EXOC6B: variants seen among roughly 807,000 people sequenced by gnomAD.
EXOC6B encodes the protein exocyst complex component 6B.
Under a neutral mutation model 113.5 loss-of-function variants are expected in EXOC6B, and 54 were observed. That is an observed-to-expected ratio of 0.48 (90% confidence interval 0.38 to 0.60). The LOEUF (loss-of-function observed/expected upper bound fraction) is 0.60. Ranked by LOEUF, EXOC6B falls within the 20% of genes least tolerant of loss-of-function variation. EXOC6B has a pLI of 0.00. For missense variants in EXOC6B, 797 were observed against 977.5 expected (o/e 0.82, Z 2.46); for synonymous variants, 357 against 339.0 (o/e 1.05, Z -0.58).
chr2:72,312,302 C>CTT (rs34170912), intron 20 of EXOC6B, among the ~76,000 whole-genome samples: 4 of 143,494 alleles, frequency 2.8e-5, no homozygotes, highest in East Asian at 2.0e-4. Flanking sequence ...GTTGTCAATA[C>CTT]TTTTTTTTTT....
rs201743586 is a variant in EXOC6B at position 72,631,406 on chromosome 2, ATGTGTG to A, written c.670-55744_670-55739del. Among the ~76,000 whole-genome samples the A allele has an allele frequency of 5.9e-4, 60 of 102,296 alleles. 3 individuals carry two copies. Among genetic ancestry groups the A allele is most frequent in the Admixed American group, 5.3e-3 (48 of 9,014 alleles). 67.1% of individuals were successfully genotyped at this position (102,296 alleles called of 152,430 possible). A position where few individuals can be genotyped will look rare whatever the true frequency, so the allele number is the denominator to read the frequency against. Reference sequence around the variant, plus strand: ...TGGAGTGATATAGTAGTGTGTGTATATGTGTGTGTGTGTGTGTGTGTATATATATAT... The same window carrying A: ...TGGAGTGATATAGTAGTGTGTGTATATGTGTGTGTGTGTGTATATATATAT... On this transcript the variant is annotated intron_variant, in intron 6 of 21. Coordinates refer to ENST00000272427, the MANE Select transcript of EXOC6B (RefSeq NM_015189.3).
rs372521033 is a variant in EXOC6B at position 72,652,332 on chromosome 2, A to G, written c.669+65771T>C. On this transcript the variant is annotated intron_variant, in intron 6 of 21. Coordinates refer to ENST00000272427, the MANE Select transcript of EXOC6B (RefSeq NM_015189.3). ...GAGAAAATGTTAGTGTTCTAATTGAAATCTAATTGAGTTTGATTTACTTGT... is the reference window on the plus strand; with the variant it reads ...GAGAAAATGTTAGTGTTCTAATTGAGATCTAATTGAGTTTGATTTACTTGT... Among the ~76,000 whole-genome samples the G allele has an allele frequency of 1.5e-4, 23 of 152,306 alleles. 2 individuals are homozygous for G. The highest frequency in any genetic ancestry group is 4.6e-4 in the African/African-American group (19 of 41,574).
intron 18 of EXOC6B, among the ~76,000 whole-genome samples, chr2:72,449,264 G>A (rs1426283864): frequency 1.3e-5 from 2 of 151,850 alleles, no homozygotes; most frequent in Non-Finnish European, 2.9e-5. Flanking sequence ...CTCGCTGCAA[G>A]CTCTGCCTCC....
At chr2:72,656,729 A>C (rs1413185412) in intron 6 of EXOC6B, among the ~76,000 whole-genome samples, 1 of 152,220 alleles carries the variant, frequency 6.6e-6, no homozygotes, top group Non-Finnish European at 1.5e-5. Context: ...CCGCTCAGAG[A>C]TGACTACTAC....
rs968224120 is a variant in EXOC6B, at chr2:72,536,416, TGTTA to T, written c.916-21294_916-21291del. Among the ~76,000 whole-genome samples, 5 of 152,308 alleles carry T rather than the reference TGTTA, an allele frequency of 3.3e-5. No individual in the cohort carries two copies. In the East Asian group the frequency reaches 9.6e-4, roughly 29 times the overall value. On this transcript the variant is annotated intron_variant, in intron 8 of 21. Coordinates refer to ENST00000272427, the MANE Select transcript of EXOC6B (RefSeq NM_015189.3). ...TATATTACCATATTTGAATATTGTTTGTTATTTATAATTGTTTGCTATATGTTGC... is the reference window on the plus strand; with the variant it reads ...TATATTACCATATTTGAATATTGTTTTTTATAATTGTTTGCTATATGTTGC...
intron 1 of EXOC6B, among the ~76,000 whole-genome samples, chr2:72,818,347 G>A (rs13415700): frequency 5.7e-5 from 7 of 122,778 alleles, no homozygotes; most frequent in Non-Finnish European, 1.0e-4. Context: ...ATTTTTAGTA[G>A]AAACGGGGTT....
chr2:72,262,986 T>G (rs899163651), intron 20 of EXOC6B, among the ~76,000 whole-genome samples: 6 of 152,138 alleles, frequency 3.9e-5, no homozygotes, highest in African/African-American at 1.4e-4. Context: ...TACCTAACAC[T>G]GAAGATTTTC....
At chr2:72,602,836 C>T (rs1670512899) in intron 6 of EXOC6B, among the ~76,000 whole-genome samples, 1 of 152,160 alleles carries the variant, frequency 6.6e-6, no homozygotes, top group Non-Finnish European at 1.5e-5. Context: ...CTCCTCCCCA[C>T]TCAGTATACT....
At chr2:72,422,336 A>G (rs1388542416) in intron 18 of EXOC6B, among the ~76,000 whole-genome samples, 1 of 152,206 alleles carries the variant, frequency 6.6e-6, no homozygotes, top group Non-Finnish European at 1.5e-5. Context: ...TAGCTCATGG[A>G]TTGTAAACAC....
At chr2:72,335,559 C>T (rs1330285303) in intron 19 of EXOC6B, among the ~76,000 whole-genome samples, 2 of 119,784 alleles carry the variant, frequency 1.7e-5, no homozygotes, top group African/African-American at 6.0e-5. Flanking sequence ...CACACACACA[C>T]ACACACACAC....
intron 6 of EXOC6B, among the ~76,000 whole-genome samples, chr2:72,611,043 G>A (rs1671041893): frequency 6.6e-6 from 1 of 152,022 alleles, no homozygotes; most frequent in Non-Finnish European, 1.5e-5. Flanking sequence ...ACCCAGAGTG[G>A]GAGACATGCA....
At chr2:72,415,504 A>C (rs1694466042) in intron 18 of EXOC6B, among the ~76,000 whole-genome samples, 1 of 151,904 alleles carries the variant, frequency 6.6e-6, no homozygotes, top group Non-Finnish European at 1.5e-5. Context: ...TATGAAAGTC[A>C]TTCCATCTGT....
intron 20 of EXOC6B, among the ~76,000 whole-genome samples, chr2:72,219,080 C>T (rs575458753): frequency 3.1e-4 from 47 of 151,966 alleles, no homozygotes; most frequent in African/African-American, 1.0e-3. Flanking sequence ...TTTCTATGGG[C>T]GACAAGAGGC....
intron 1 of EXOC6B, among the ~76,000 whole-genome samples, chr2:72,784,668 A>C (rs1684267777): frequency 6.6e-6 from 1 of 152,166 alleles, no homozygotes; most frequent in African/African-American, 2.4e-5. Flanking sequence ...TGAGAATAGC[A>C]CAGGAAAGAC....
intron 18 of EXOC6B, among the ~76,000 whole-genome samples, chr2:72,396,720 T>C (rs1692750970): frequency 6.6e-6 from 1 of 152,086 alleles, no homozygotes. Flanking sequence ...TTATTCCTAG[T>C]GACTCCATCA....
intron 18 of EXOC6B, chr2:72,461,629 T>C (rs1396820522): frequency 6.6e-6 from 1 of 152,012 alleles, no homozygotes; most frequent in Non-Finnish European, 1.5e-5. Context: ...CTATACAAAA[T>C]ACATTGTATT....
chr2:72,407,011 A>C (rs1458124819), intron 18 of EXOC6B, among the ~76,000 whole-genome samples: 1 of 152,222 alleles, frequency 6.6e-6, no homozygotes, highest in African/African-American at 2.4e-5. Context: ...AAATAGACGC[A>C]ATAAAAAATG....
intron 6 of EXOC6B, among the ~76,000 whole-genome samples, chr2:72,698,294 T>C (rs563808814): frequency 6.6e-6 from 1 of 152,274 alleles, no homozygotes; most frequent in Non-Finnish European, 1.5e-5. Flanking sequence ...AGACAGATAA[T>C]TAAGGAACAA....
intron 20 of EXOC6B, among the ~76,000 whole-genome samples, chr2:72,269,608 C>G (rs1015328428): frequency 5.9e-5 from 9 of 152,060 alleles, no homozygotes; most frequent in Non-Finnish European, 8.8e-5. Context: ...CCCAGCAGTT[C>G]AAGACCAGCC....
Sources: gnomAD v4.1 joint callset for allele counts (sites outside exome capture counted in the v4.1 genomes callset) on GRCh38, gnomAD v4.1.1 for gene constraint, MANE v1.5 for transcripts, NCBI Gene and HGNC (gene_info 2026-07-23, HGNC 2026-07-21) for gene names.